ACBD3: variants seen among roughly 807,000 people sequenced by gnomAD.
ACBD3 encodes Golgi resident protein GCP60.
ACBD3 carries 30 observed loss-of-function variants against 66.9 expected under a neutral mutation model. The observed-to-expected ratio is 0.45, with a 90% CI of 0.34 to 0.61. The LOEUF is 0.61. Among genes scored for constraint, ACBD3 ranks in the 20% least tolerant of loss-of-function variants. The pLI, the probability that ACBD3 is intolerant of heterozygous loss-of-function variation, is 0.02. For synonymous variants in ACBD3, 278 were observed against 259.8 expected, an observed-to-expected ratio of 1.07 and a Z score of -0.68; for missense variants, 544 against 664.5, an observed-to-expected ratio of 0.82 and a Z score of 1.99.
intron 1 of ACBD3, among the ~76,000 whole-genome samples, chr1:226,179,632 AGAT>A (rs1258600123): frequency 6.6e-6 from 1 of 151,570 alleles, no homozygotes; most frequent in Admixed American, 6.6e-5. Context: ...CCGGGTGGGC[AGAT>A]CACCTGATGT....
intron 1 of ACBD3, among the ~76,000 whole-genome samples, chr1:226,177,175 T>C (rs929216441): frequency 6.6e-6 from 1 of 151,742 alleles, no homozygotes; most frequent in Admixed American, 6.6e-5. Flanking sequence ...TTTTTTTTTT[T>C]TTTTTTTTTA....
intron 1 of ACBD3, among the ~76,000 whole-genome samples, chr1:226,180,172 C>CAAA (rs75428761): frequency 3.4e-5 from 2 of 58,218 alleles, no homozygotes; most frequent in African/African-American, 6.1e-5. Context: ...CTCTGTCTCC[C>CAAA]AAAAAAAAAA....
chr1:226,152,214 A>G (rs1445266648), intron 7 of ACBD3, 121 bp downstream of exon 7: 2 of 1,341,804 alleles, frequency 1.5e-6, no homozygotes, highest in Non-Finnish European at 2.0e-6. Context: ...ACTAATGAAG[A>G]AAGTGTTCCC....
intron 1 of ACBD3, among the ~76,000 whole-genome samples, chr1:226,175,657 T>A (rs1348995563): frequency 3.9e-5 from 6 of 152,032 alleles, no homozygotes; most frequent in Admixed American, 1.3e-4. Flanking sequence ...TTTTTTTTTT[T>A]AATTAAAGCA....
chr1:226,165,214 A>G, intron 2 of ACBD3, among the ~76,000 whole-genome samples: 1 of 151,552 alleles, frequency 6.6e-6, no homozygotes, highest in Non-Finnish European at 1.5e-5. Context: ...TCTGTTGCCC[A>G]GACTGGAGTG....
Position 226,161,523 on chromosome 1 carries a change from A to G in ACBD3, c.728+8T>C. The G allele has an allele frequency of 6.2e-7, 1 of 1,610,848 alleles. No individual in the cohort carries two copies. The highest frequency in any genetic ancestry group is 8.5e-7 in the Non-Finnish European group (1 of 1,179,390). On this transcript the variant is annotated splice_region_variant and intron_variant, in intron 4 of 7. Coordinates refer to ENST00000366812, the MANE Select transcript of ACBD3 (RefSeq NM_022735.4). Reference sequence around the variant, plus strand: ...CATTTTAAAACATAAGCCACATAATAAACTTACTTTTGCTGCTCCAACCGA... The same window carrying G: ...CATTTTAAAACATAAGCCACATAATGAACTTACTTTTGCTGCTCCAACCGA...
At chr1:226,165,278 C>G (rs1173808992) in intron 2 of ACBD3, among the ~76,000 whole-genome samples, 2 of 152,002 alleles carry the variant, frequency 1.3e-5, no homozygotes, top group Non-Finnish European at 2.9e-5. Flanking sequence ...TCAAGCGATT[C>G]TCCTGCTTCA....
intron 1 of ACBD3, among the ~76,000 whole-genome samples, chr1:226,172,994 G>C (rs1409526048): frequency 6.6e-6 from 1 of 151,622 alleles, no homozygotes; most frequent in Non-Finnish European, 1.5e-5. Context: ...AGCTGGGCCT[G>C]GTGGCTCATG....
intron 7 of ACBD3, among the ~76,000 whole-genome samples, chr1:226,151,760 C>T (rs1246662458): frequency 1.3e-5 from 2 of 152,194 alleles, no homozygotes; most frequent in African/African-American, 4.8e-5. Context: ...GTAATCCCAG[C>T]ACTTTGGGAG....
At chr1:226,166,690 T>C (rs915370989) in intron 1 of ACBD3, among the ~76,000 whole-genome samples, 2 of 150,816 alleles carry the variant, frequency 1.3e-5, no homozygotes, top group Non-Finnish European at 3.0e-5. Flanking sequence ...TCTCACTATG[T>C]TGCCCAGGCT....
chr1:226,183,133 G>A (rs1418935542), intron 1 of ACBD3, among the ~76,000 whole-genome samples: 4 of 152,044 alleles, frequency 2.6e-5, no homozygotes, highest in African/African-American at 9.7e-5. Context: ...TTCAAGATTC[G>A]TATTTATTCC....
At chr1:226,149,082 C>T (rs1659511680) in intron 7 of ACBD3, among the ~76,000 whole-genome samples, 1 of 152,172 alleles carries the variant, frequency 6.6e-6, no homozygotes, top group Admixed American at 6.5e-5. Flanking sequence ...ATCTTCCCAA[C>T]ACCAATATAA....
Position 226,165,951 on chromosome 1 carries a change from A to G in ACBD3, c.336T>C (p.Leu112=), listed in dbSNP as rs1476087415. 7 of 1,611,898 alleles carry G rather than the reference A, an allele frequency of 4.3e-6. No homozygotes were observed. The highest frequency in any genetic ancestry group is 3.3e-4 in the Middle Eastern group (2 of 6,050). ...FHPTYEEKLK[L]VALHKQVLMG... ...TAAGAACTTGCTTATGCAGTGCCAC[A>G]AGCTTCAATTTTTCTTCATAAGTTG... The change falls in exon 2 of 8, where the codon CTT becomes CTC. Residue 112 remains leucine (L), a synonymous_variant. Transcript: ENST00000366812.
chr1:226,184,159 C>A (rs746655074), intron 1 of ACBD3, among the ~76,000 whole-genome samples: 3 of 152,144 alleles, frequency 2.0e-5, no homozygotes. Context: ...CACCACTGCA[C>A]TCCAGCCTGG....
chr1:226,171,151 ATT>A (rs34857781), intron 1 of ACBD3, among the ~76,000 whole-genome samples: 3 of 144,554 alleles, frequency 2.1e-5, no homozygotes, highest in Non-Finnish European at 4.6e-5. Context: ...TAAGTAAACA[ATT>A]TTTTTTTTTT....
chr1:226,185,621 A>C lies in ACBD3; in HGVS notation c.286+769T>G, dbSNP rs77404403. On this transcript the variant is annotated intron_variant, in intron 1 of 7. Coordinates refer to ENST00000366812, the MANE Select transcript of ACBD3 (RefSeq NM_022735.4). Reference sequence around the variant, plus strand: ...ATTCGACTAAGTGAATCACCCAATTAAAAAAAAAAAAAACCGCACACTACA... The same window carrying C: ...ATTCGACTAAGTGAATCACCCAATTCAAAAAAAAAAAAACCGCACACTACA... Among the ~76,000 whole-genome samples, 3 of 90,392 alleles carry C rather than the reference A, an allele frequency of 3.3e-5. No homozygotes were observed. In the South Asian group the frequency reaches 1.6e-3, roughly 49 times the overall value. 59.3% of individuals were successfully genotyped at this position (90,392 alleles called of 152,430 possible). A position where few individuals can be genotyped will look rare whatever the true frequency, so the allele number is the denominator to read the frequency against.
At chr1:226,170,617 A>G (rs887678163) in intron 1 of ACBD3, among the ~76,000 whole-genome samples, 20 of 152,144 alleles carry the variant, frequency 1.3e-4, no homozygotes, top group African/African-American at 4.8e-4. Flanking sequence ...ACACACACAC[A>G]AAATTTTTTT....
chr1:226,161,128 A>C (rs1659764501), intron 4 of ACBD3, among the ~76,000 whole-genome samples: 1 of 148,556 alleles, frequency 6.7e-6, no homozygotes, highest in Non-Finnish European at 1.5e-5. Flanking sequence ...GTGAACCCCC[A>C]AACCTTCTAA....
rs1558121720 is a variant in ACBD3 at position 226,146,746 on chromosome 1, C to T, written c.1451G>A (p.Arg484Gln). 9.3e-6 allele frequency: 15 copies of T among 1,614,094 alleles called. No homozygotes were observed. Among genetic ancestry groups the T allele is most frequent in the Non-Finnish European group, 1.2e-5 (14 of 1,180,030 alleles). ...ATACACCTCCTCATGACAGTCCCGT[C>T]GGTACACAGGCACAATCTCATCCAG... ...PLLDEIVPVYRRDCHEEVYAG... is the reference protein window; with the variant it reads ...PLLDEIVPVYQRDCHEEVYAG... Residue 484 changes from arginine (R) to glutamine (Q), a missense_variant, in exon 8 of 8, where the codon CGA becomes CAA. Arg to Gln is a conservative substitution (Grantham distance 43). Transcript: ENST00000366812.
Sources: gnomAD v4.1 joint callset for allele counts (sites outside exome capture counted in the v4.1 genomes callset) on GRCh38, gnomAD v4.1.1 for gene constraint, MANE v1.5 for transcripts, NCBI Gene and HGNC (gene_info 2026-07-23, HGNC 2026-07-21) for gene names.